Variants in DNAH14 observed in about 807,000 individuals in gnomAD.
DNAH14 encodes dynein axonemal heavy chain 14.
A neutral mutation model predicts 520.9 loss-of-function variants in DNAH14; 478 were observed. The observed-to-expected ratio is 0.92, with a 90% CI of 0.85 to 0.99. The LOEUF (loss-of-function observed/expected upper bound fraction) is 0.99. Ranked by LOEUF, DNAH14 falls within the 50% of genes least tolerant of loss-of-function variation. DNAH14 has a pLI of 0.00. For synonymous variants in DNAH14, 1,581 were observed against 1,757.2 expected (o/e 0.90, Z 2.51); for missense variants, 4,831 against 5,234.5 (o/e 0.92, Z 2.38).
chr1:225,125,382 T>C (rs2077636828), intron 27 of DNAH14, among the ~76,000 whole-genome samples: 1 of 152,226 alleles, frequency 6.6e-6, no homozygotes, highest in Admixed American at 6.6e-5. Context: ...TGTTGTTCAG[T>C]GTATCCACTT....
chr1:225,350,824 CA>C (rs2095355054), intron 71 of DNAH14, among the ~76,000 whole-genome samples: 2 of 151,718 alleles, frequency 1.3e-5, no homozygotes, highest in Non-Finnish European at 2.9e-5. Flanking sequence ...TAAAAATTAA[CA>C]TAAATTTTCC....
At chr1:225,259,568 G>A (rs993344675) in intron 46 of DNAH14, among the ~76,000 whole-genome samples, 1 of 152,022 alleles carries the variant, frequency 6.6e-6, no homozygotes, top group East Asian at 1.9e-4. Context: ...ATTTTTTAGT[G>A]AGAACAATTA....
At chr1:224,956,105 G>A (rs2060494276) in intron 3 of DNAH14, among the ~76,000 whole-genome samples, 2 of 151,834 alleles carry the variant, frequency 1.3e-5, no homozygotes, top group South Asian at 4.2e-4. Flanking sequence ...TTTCCCCCTT[G>A]ACTTTTAAGG....
At chr1:225,028,418 G>A (rs1158308620) in intron 11 of DNAH14, among the ~76,000 whole-genome samples, 1 of 151,952 alleles carries the variant, frequency 6.6e-6, no homozygotes, top group African/African-American at 2.4e-5. Context: ...TTGGTATACA[G>A]TTGTTTATAG....
chr1:225,307,660 G>C, intron 59 of DNAH14, 91 bp downstream of exon 59: 1 of 986,900 alleles, frequency 1.0e-6, no homozygotes, highest in South Asian at 2.3e-5. Flanking sequence ...GACAAAGACA[G>C]GCTAGAATTC....
intron 17 of DNAH14, among the ~76,000 whole-genome samples, chr1:225,064,606 A>G (rs1572817583): frequency 6.6e-6 from 1 of 152,004 alleles, no homozygotes; most frequent in Admixed American, 6.6e-5. Context: ...AAGCTACTAC[A>G]TGCAACAACT....
intron 7 of DNAH14, among the ~76,000 whole-genome samples, chr1:224,972,082 T>G (rs2061530312): frequency 6.6e-6 from 1 of 152,178 alleles, no homozygotes; most frequent in South Asian, 2.1e-4. Context: ...TGTAAATAAT[T>G]ATCATTTATT....
intron 66 of DNAH14, among the ~76,000 whole-genome samples, chr1:225,336,901 T>TTATATTTGTATATTTTG: frequency 6.6e-6 from 1 of 152,352 alleles, no homozygotes; most frequent in South Asian, 2.1e-4. Flanking sequence ...ATAGCTGTTA[T>TTATATTTGTATATTTTG]TATATTTGTA....
intron 12 of DNAH14, among the ~76,000 whole-genome samples, chr1:225,040,400 T>A (rs1015134694): frequency 7.9e-5 from 12 of 152,242 alleles, no homozygotes; most frequent in African/African-American, 2.9e-4. Context: ...GTGGTAGGAA[T>A]CTTGAGTAAT....
intron 29 of DNAH14, 98 bp from the exon 30 acceptor site, chr1:225,145,228 T>G: frequency 1.0e-6 from 1 of 955,966 alleles, no homozygotes. Context: ...TGCAAAGTTT[T>G]CTCAAAAGCA....
intron 56 of DNAH14, among the ~76,000 whole-genome samples, chr1:225,301,397 A>C (rs981549347): frequency 6.6e-6 from 1 of 152,216 alleles, no homozygotes; most frequent in Non-Finnish European, 1.5e-5. Flanking sequence ...AAGTCTGGAA[A>C]GGCAAGAAAC....
At chr1:225,211,690 A>T (rs2088440466) in intron 41 of DNAH14, among the ~76,000 whole-genome samples, 1 of 152,016 alleles carries the variant, frequency 6.6e-6, no homozygotes, top group Non-Finnish European at 1.5e-5. Flanking sequence ...AAGACACATA[A>T]TTGTCAGATT....
chr1:225,302,743 C>G (rs1438299090), intron 56 of DNAH14, among the ~76,000 whole-genome samples: 2 of 152,110 alleles, frequency 1.3e-5, no homozygotes, highest in Non-Finnish European at 2.9e-5. Flanking sequence ...TTATTACTAC[C>G]TCTGGTGCTC....
chr1:225,207,309 T>C, intron 41 of DNAH14, 89 bp downstream of exon 41: 1 of 1,344,388 alleles, frequency 7.4e-7, no homozygotes, highest in Non-Finnish European at 9.7e-7. Flanking sequence ...AGAAAATTTT[T>C]CAAAGAGCAG....
chr1:225,212,825 T>C (rs2088644958), intron 41 of DNAH14, among the ~76,000 whole-genome samples: 1 of 152,198 alleles, frequency 6.6e-6, no homozygotes, highest in Non-Finnish European at 1.5e-5. Context: ...GTCAGAAGGG[T>C]AGATTGTAAA....
At chr1:225,357,878 A>T (rs12745950) in intron 73 of DNAH14, 1 of 700,872 alleles carries the variant, frequency 1.4e-6, no homozygotes, top group South Asian at 1.5e-5. Context: ...CATGTAAGTG[A>T]TTTGTATAAA....
chr1:224,993,762 G>A (rs1358775517), intron 8 of DNAH14, among the ~76,000 whole-genome samples: 4 of 151,772 alleles, frequency 2.6e-5, no homozygotes, highest in African/African-American at 7.2e-5. Flanking sequence ...TTCTGAAGGC[G>A]TAACATTAAG....
At chr1:224,967,409 A>G in intron 5 of DNAH14, 22 bp from the exon 6 acceptor site, 2 of 1,377,416 alleles carry the variant, frequency 1.5e-6, no homozygotes, top group African/African-American at 1.6e-5. Flanking sequence ...AAATTTGTTT[A>G]TTATTTTTTT....
At chr1:225,188,555 G>A (rs2085026956) in intron 37 of DNAH14, among the ~76,000 whole-genome samples, 1 of 151,880 alleles carries the variant, frequency 6.6e-6, no homozygotes, top group Non-Finnish European at 1.5e-5. Context: ...CATCCACTAG[G>A]TGCCTTGGAA....
Sources: gnomAD v4.1 joint callset for allele counts (sites outside exome capture counted in the v4.1 genomes callset) on GRCh38, gnomAD v4.1.1 for gene constraint, MANE v1.5 for transcripts, NCBI Gene and HGNC (gene_info 2026-07-23, HGNC 2026-07-21) for gene names.